The following PPIL4 variants were observed in gnomAD, a reference collection of about 807,000 sequenced individuals.
PPIL4 encodes the protein peptidyl-prolyl cis-trans isomerase-like 4.
Under a neutral mutation model 69.1 loss-of-function variants are expected in PPIL4, and 50 were observed. That is an observed-to-expected ratio of 0.72 (90% CI 0.58 to 0.92). The LOEUF is 0.92. Among genes scored for constraint, PPIL4 ranks in the 40% least tolerant of loss-of-function variants. The pLI is 0.00. For synonymous variants in PPIL4, 193 were observed against 191.6 expected, an observed-to-expected ratio of 1.01 and a Z score of -0.06; for missense variants, 480 against 587.9, an observed-to-expected ratio of 0.82 and a Z score of 1.90.
At chr6:149,524,300 T>C (rs191853578) in intron 9 of PPIL4, among the ~76,000 whole-genome samples, 2 of 152,342 alleles carry the variant, frequency 1.3e-5, no homozygotes, top group East Asian at 3.9e-4. Flanking sequence ...GAGGATTAAA[T>C]GCAGCAAAAG....
intron 1 of PPIL4, among the ~76,000 whole-genome samples, chr6:149,543,312 G>A (rs929638338): frequency 1.3e-5 from 2 of 152,040 alleles, no homozygotes; most frequent in Admixed American, 6.5e-5. Flanking sequence ...ATATGTTAAC[G>A]CACCCAGTAA....
intron 7 of PPIL4, among the ~76,000 whole-genome samples, chr6:149,530,259 T>A (rs1777175933): frequency 6.6e-6 from 1 of 152,208 alleles, no homozygotes; most frequent in Non-Finnish European, 1.5e-5. Flanking sequence ...TACTTTATGT[T>A]CAGTTTTTCT....
At chr6:149,517,123 G>T (rs1256081534) in intron 11 of PPIL4, 2 of 336,424 alleles carry the variant, frequency 5.9e-6, no homozygotes, top group Admixed American at 9.9e-5. Flanking sequence ...TTAGGCTACA[G>T]ATTTCTTTCA....
chr6:149,541,314 AAAGT>A (rs1554217768), intron 3 of PPIL4, 49 bp downstream of exon 3: 5 of 760,718 alleles, frequency 6.6e-6, no homozygotes, highest in Middle Eastern at 4.2e-4. Context: ...CCAGAGGTTA[AAAGT>A]AAATAAATAA....
chr6:149,519,070 C>G (rs1480446071), intron 10 of PPIL4, among the ~76,000 whole-genome samples: 1 of 152,088 alleles, frequency 6.6e-6, no homozygotes, highest in African/African-American at 2.4e-5. Context: ...CTTCTCCCTC[C>G]TATGTGACAT....
rs763505728 is a variant in PPIL4, at chr6:149,535,626, TCAAC to T, written c.430_433del (p.Val144ThrfsTer12). Reference sequence around the variant, plus strand: ...ATCCTGATATGGTACAAAGTCCTTGTCAACAAAGGTCTCATTAATTTTCTTAATT... The same window carrying T: ...ATCCTGATATGGTACAAAGTCCTTGTAAAGGTCTCATTAATTTTCTTAATT... On this transcript the variant is annotated frameshift_variant, in exon 5 of 13. Coordinates refer to ENST00000253329, the MANE Select transcript of PPIL4 (RefSeq NM_139126.4). LOFTEE classifies it high-confidence loss of function. The T allele has an allele frequency of 3.1e-6, 5 of 1,612,734 alleles. No homozygotes were observed. The highest frequency in any genetic ancestry group is 3.4e-6 in the Non-Finnish European group (4 of 1,178,982).
chr6:149,521,261 C>A (rs954937478), intron 9 of PPIL4, 90 bp from the exon 10 acceptor site: 16 of 803,522 alleles, frequency 2.0e-5, no homozygotes, highest in Non-Finnish European at 3.3e-5. Context: ...TTTGTTGTTA[C>A]AAAAATTAAT....
intron 9 of PPIL4, among the ~76,000 whole-genome samples, chr6:149,523,433 AT>A (rs1168798410): frequency 6.6e-6 from 1 of 152,202 alleles, no homozygotes; most frequent in Admixed American, 6.5e-5. Context: ...GCTCAAGCCT[AT>A]AATTCCAGCA....
At chr6:149,540,811 ATT>A (rs994768346) in intron 4 of PPIL4, 129 bp downstream of exon 4, 1 of 495,194 alleles carries the variant, frequency 2.0e-6, no homozygotes, top group Admixed American at 2.9e-5. Context: ...GAAAAAGTGC[ATT>A]TTTTCCCCTA....
At position 149,541,533 on chromosome 6, in the gene PPIL4, TA is replaced by T; in HGVS notation, c.123del (p.Ile42PhefsTer56). 6.3e-7 allele frequency: 1 copy of T among 1,587,054 alleles called. No individual in the cohort carries two copies. Among genetic ancestry groups the T allele is most frequent in the Non-Finnish European group, 8.6e-7 (1 of 1,156,408 alleles). On this transcript the variant is annotated frameshift_variant, in exon 2 of 13. Coordinates refer to ENST00000253329, the MANE Select transcript of PPIL4 (RefSeq NM_139126.4). LOFTEE classifies it high-confidence loss of function. ...LCKIKYYNYCLIHNVQRDFII... is the reference protein window; with the variant it reads ...LCKIKYYNYCXIHNVQRDFII... The stretch of plus-strand genomic sequence containing the variant: ...TACCAACTCACCTGTACATTGTGAA[TA>T]AGGCAATAATTGTAATATTTTATTT...
intron 4 of PPIL4, among the ~76,000 whole-genome samples, chr6:149,536,738 C>CAAAAAA (rs750303522): frequency 9.8e-6 from 1 of 102,304 alleles, no homozygotes; most frequent in Non-Finnish European, 2.2e-5. Context: ...TACTCCATCT[C>CAAAAAA]AAAAAAAAAA....
chr6:149,515,139 A>AT (rs60680973), intron 11 of PPIL4, among the ~76,000 whole-genome samples: 4,402 of 138,152 alleles, frequency 0.032, 203 homozygotes, highest in African/African-American at 0.1. Flanking sequence ...CACCCAGCCA[A>AT]TTTTTTTTTT....
At chr6:149,522,505 T>C (rs1583207182) in intron 9 of PPIL4, among the ~76,000 whole-genome samples, 1 of 152,308 alleles carries the variant, frequency 6.6e-6, no homozygotes, top group East Asian at 1.9e-4. Flanking sequence ...TATACATATA[T>C]GGATACCGAT....
intron 12 of PPIL4, among the ~76,000 whole-genome samples, chr6:149,506,227 C>T (rs1249947032): frequency 1.3e-5 from 2 of 152,036 alleles, no homozygotes; most frequent in Non-Finnish European, 2.9e-5. Flanking sequence ...GTCTGTAATC[C>T]CAGCACTTTG....
At chr6:149,527,422 C>T (rs1286973860) in intron 7 of PPIL4, among the ~76,000 whole-genome samples, 1 of 152,168 alleles carries the variant, frequency 6.6e-6, no homozygotes, top group African/African-American at 2.4e-5. Context: ...TTGCCCAAGA[C>T]CACACAGTGG....
At chr6:149,514,440 G>C (rs1316820026) in intron 11 of PPIL4, among the ~76,000 whole-genome samples, 1 of 152,102 alleles carries the variant, frequency 6.6e-6, no homozygotes, top group Non-Finnish European at 1.5e-5. Context: ...TCCTGCCTCA[G>C]CCTCCCAAGT....
chr6:149,530,174 C>A (rs1303285400), intron 7 of PPIL4, among the ~76,000 whole-genome samples: 1 of 152,122 alleles, frequency 6.6e-6, no homozygotes, highest in East Asian at 1.9e-4. Context: ...AATATTGGCT[C>A]ATCAATTGTT....
At chr6:149,519,219 T>C (rs1776992894) in intron 10 of PPIL4, among the ~76,000 whole-genome samples, 1 of 152,194 alleles carries the variant, frequency 6.6e-6, no homozygotes, top group South Asian at 2.1e-4. Flanking sequence ...TCTGTCTAAA[T>C]CATCTGTGTA....
Position 149,534,694 on chromosome 6 carries a change from G to T in PPIL4, c.545C>A (p.Thr182Lys). The T allele has an allele frequency of 6.4e-7, 1 of 1,560,054 alleles. No individual in the cohort carries two copies. Among genetic ancestry groups the T allele is most frequent in the Non-Finnish European group, 8.8e-7 (1 of 1,136,698 alleles). ...TTTACTTACATCTAATTGTTCCCTT[G>T]TAGGTTCTGGTGATCGATCAGGGAT... ...LLIPDRSPEP[T>K]REQLDSGRIG... The change falls in exon 6 of 13, where the codon ACA becomes AAA. Residue 182 changes from threonine (T) to lysine (K), a missense_variant. Transcript: ENST00000253329.
Sources: gnomAD v4.1 joint callset for allele counts (sites outside exome capture counted in the v4.1 genomes callset) on GRCh38, gnomAD v4.1.1 for gene constraint, MANE v1.5 for transcripts, NCBI Gene and HGNC (gene_info 2026-07-23, HGNC 2026-07-21) for gene names.